KRT76: variants seen among roughly 807,000 people sequenced by gnomAD.
KRT76 encodes the protein keratin 76, also known as keratin, type II cytoskeletal 2 oral.
Under a neutral mutation model 44.9 loss-of-function variants are expected in KRT76, and 47 were observed. The observed-to-expected ratio is 1.05, with a 90% CI of 0.83 to 1.33. The LOEUF is 1.33. Ranked by LOEUF, KRT76 falls within the 40% of genes most tolerant of loss-of-function variation. The pLI is 0.00. For synonymous variants in KRT76, 331 were observed against 294.1 expected, an observed-to-expected ratio of 1.13 and a Z score of -1.28; for missense variants, 860 against 775.8, an observed-to-expected ratio of 1.11 and a Z score of -1.29.
Position 52,771,092 on chromosome 12 carries a change from A to G in KRT76, c.1391T>C (p.Leu464Pro). The G allele has an allele frequency of 6.2e-7, 1 of 1,614,102 alleles. No individual in the cohort carries two copies. Among genetic ancestry groups the G allele is most frequent in the South Asian group, 1.1e-5 (1 of 91,070 alleles). Reference sequence around the variant, plus strand: ...CATCAGCTCCTGGTAGTCACGCAGGAGCCGAGCCAGGTCATCCTTAGCCTT... The same window carrying G: ...CATCAGCTCCTGGTAGTCACGCAGGGGCCGAGCCAGGTCATCCTTAGCCTT... ...LQKAKDDLAR[L>P]LRDYQELMNV... Residue 464 changes from leucine to proline, a missense_variant, in exon 7 of 9, where the codon CTC (leucine) becomes CCC (proline). Transcript: ENST00000332411.
chr12:52,772,665 C>G, intron 4 of KRT76, 118 bp downstream of exon 4: 2 of 754,180 alleles, frequency 2.7e-6, no homozygotes, highest in Non-Finnish European at 4.7e-6. Flanking sequence ...TGGGGTGGAG[C>G]TGAGTCCTGA....
In KRT76 at chr12:52,776,684, G is replaced by T. The variant is rs1463721317; in HGVS notation, c.600+8C>A. ...ACCCTCCACAGCACCTCTTGGCCTT[G>T]CCCTCACCTTGTCGATGAAGGAGGC... On this transcript the variant is annotated splice_region_variant and intron_variant, in intron 1 of 8. Coordinates refer to ENST00000332411, the MANE Select transcript of KRT76 (RefSeq NM_015848.4). The T allele has an allele frequency of 1.9e-6, 3 of 1,613,830 alleles. No individual in the cohort carries two copies. The highest frequency in any genetic ancestry group is 2.5e-6 in the Non-Finnish European group (3 of 1,180,042).
At chr12:52,774,849 C>T (rs1375331189) in intron 2 of KRT76, among the ~76,000 whole-genome samples, 3 of 152,166 alleles carry the variant, frequency 2.0e-5, no homozygotes, top group South Asian at 2.1e-4. Context: ...CAGACCTCAG[C>T]GGATATGGAC....
Position 52,777,021 on chromosome 12 carries a change from C to A in KRT76, c.271G>T (p.Ala91Ser). 1 of 1,614,064 alleles carries A rather than the reference C, an allele frequency of 6.2e-7. No individual in the cohort carries two copies. Among genetic ancestry groups the A allele is most frequent in the South Asian group, 1.1e-5 (1 of 91,080 alleles). ...CCAAAGCCACCTCCATAGCCACCTG[C>A]AAAGCCACAGCTGCTCCGCCCTCCC... ...FGGGRSSCGF[A>S]GGYGGGFGGS... The change falls in exon 1 of 9, where the codon GCA (alanine) becomes TCA (serine). Residue 91 changes from alanine to serine, a missense_variant. By Grantham distance (99) the Ala-to-Ser change is moderately conservative (BLOSUM62 1). Coordinates refer to ENST00000332411, the MANE Select transcript of KRT76 (RefSeq NM_015848.4).
intron 4 of KRT76, among the ~76,000 whole-genome samples, chr12:52,772,517 C>G (rs189801970): frequency 1.3e-5 from 2 of 152,206 alleles, no homozygotes; most frequent in African/African-American, 4.8e-5. Context: ...CCATGGGCCC[C>G]CAGCAGGGAG....
At chr12:52,769,657 G>A in intron 7 of KRT76, 74 bp from the exon 8 acceptor site, 2 of 1,335,858 alleles carry the variant, frequency 1.5e-6, no homozygotes, top group Non-Finnish European at 2.2e-6. Flanking sequence ...TCACAACTTT[G>A]GGAGCCACGC....
At position 52,776,847 on chromosome 12, in the gene KRT76, C is replaced by G; in HGVS notation, c.445G>C (p.Gly149Arg). The change falls in exon 1 of 9, where the codon GGG becomes CGG. Residue 149 changes from glycine to arginine, a missense_variant. Coordinates refer to ENST00000332411, the MANE Select transcript of KRT76 (RefSeq NM_015848.4). ...SFGGPGGFGPGGFPGGIQEVI... is the reference protein window; with the variant it reads ...SFGGPGGFGPRGFPGGIQEVI... ...TCCTGAATTCCCCCAGGAAAGCCCC[C>G]AGGGCCAAAGCCACCAGGACCACCA... 6.2e-7 allele frequency: 1 copy of G among 1,613,690 alleles called. No individual in the cohort carries two copies. Among genetic ancestry groups the G allele is most frequent in the East Asian group, 2.2e-5 (1 of 44,872 alleles).
chr12:52,774,890 C>A (rs114208180), intron 2 of KRT76, among the ~76,000 whole-genome samples: 251 of 152,262 alleles, frequency 1.6e-3, no homozygotes, highest in African/African-American at 5.5e-3. Flanking sequence ...AGGAGGCAAA[C>A]CAAAGCTGCA....
Position 52,771,211 on chromosome 12 carries a change from G to C in KRT76, c.1272C>G (p.Asn424Lys). The C allele has an allele frequency of 3.1e-6, 5 of 1,614,158 alleles. No individual in the cohort carries two copies. The highest frequency in any genetic ancestry group is 4.2e-6 in the Non-Finnish European group (5 of 1,180,036). The change falls in exon 7 of 9, where the codon AAC (asparagine) becomes AAG (lysine). Residue 424 changes from asparagine to lysine, a missense_variant. Physicochemically the swap from Asn to Lys is moderately conservative, Grantham distance 94. Transcript: ENST00000332411. ...EIENVKKQNA[N>K]LQTAIAEAEQ... ...CAGCCTCTGCAATTGCCGTCTGCAG[G>C]TTGGCATTCTGAGGTAGAAAATCAA...
At position 52,772,170 on chromosome 12, in the gene KRT76, A is replaced by G; in HGVS notation, c.1061T>C (p.Ile354Thr). ...NNRCLDLGSI[I>T]AEVRAQYEEI... ...CTCATACTGGGCGCGGACCTCGGCA[A>G]TGATGCTGCCCAGGTCCAGGCAGCG... is the stretch of plus-strand genomic sequence containing the variant. Residue 354 changes from isoleucine to threonine, a missense_variant, in exon 5 of 9, where the codon ATT becomes ACT. Ile to Thr is a moderately conservative substitution (Grantham distance 89). Coordinates refer to ENST00000332411, the MANE Select transcript of KRT76 (RefSeq NM_015848.4). 1 of 1,613,852 alleles carries G rather than the reference A, an allele frequency of 6.2e-7. No individual in the cohort carries two copies. The highest frequency in any genetic ancestry group is 1.1e-5 in the South Asian group (1 of 90,992).
In KRT76 at chr12:52,768,585, T is replaced by G; in HGVS notation, c.*128A>C. 2 of 1,091,360 alleles carry G rather than the reference T, an allele frequency of 1.8e-6. No individual in the cohort carries two copies. Among genetic ancestry groups the G allele is most frequent in the Non-Finnish European group, 2.6e-6 (2 of 760,658 alleles). 67.6% of individuals were successfully genotyped at this position (1,091,360 alleles called of 1,614,324 possible). On this transcript the variant is annotated 3_prime_UTR_variant, in exon 9 of 9. Coordinates refer to ENST00000332411, the MANE Select transcript of KRT76 (RefSeq NM_015848.4). The stretch of plus-strand genomic sequence containing the variant: ...GGATGGAGAAACCAGGAGTTCAGCT[T>G]CTTCTCCAGGGAACTTGAGGAAAAA...
chr12:52,776,798 A>C lies in KRT76; in HGVS notation c.494T>G (p.Leu165Arg). Residue 165 changes from leucine to arginine, a missense_variant, in exon 1 of 9, where the codon CTG becomes CGG. Transcript: ENST00000332411. ...IQEVIVNQSLLQPLNVEIDPQ... is the reference protein window; with the variant it reads ...IQEVIVNQSLRQPLNVEIDPQ... ...GTCGATCTCCACATTGAGGGGCTGC[A>C]GGAGACTCTGGTTTACAATCACTTC... is the stretch of plus-strand genomic sequence containing the variant. 6.2e-7 allele frequency: 1 copy of C among 1,614,152 alleles called. No homozygotes were observed. The highest frequency in any genetic ancestry group is 1.1e-5 in the South Asian group (1 of 91,076).
chr12:52,773,422 C>T (rs1393206577), intron 3 of KRT76, among the ~76,000 whole-genome samples, 160 bp downstream of exon 3: 3 of 152,154 alleles, frequency 2.0e-5, no homozygotes, highest in African/African-American at 7.2e-5. Context: ...CTTAGAGCAG[C>T]TTCCTTCATG....
chr12:52,769,025 A>ACCACTG lies in KRT76; in HGVS notation c.1599_1604dup (p.Ser534_Gly535dup). On this transcript the variant is annotated inframe_insertion, in exon 9 of 9. Transcript: ENST00000332411. ...TGCTGCTGCTGCCGCCTTTGTAGCC[A>ACCACTG]CCACTGCCACTGCCACTGACCCCTC... The ACCACTG allele has an allele frequency of 2.5e-6, 2 of 801,396 alleles. No homozygotes were observed. The highest frequency in any genetic ancestry group is 4.3e-6 in the Non-Finnish European group (2 of 461,198). 49.6% of individuals were successfully genotyped at this position (801,396 alleles called of 1,614,324 possible). A position where few individuals can be genotyped will look rare whatever the true frequency, so the allele number is the denominator to read the frequency against.
At chr12:52,769,527 G>C (rs1490044792) in intron 8 of KRT76, 22 bp downstream of exon 8, 1 of 1,610,230 alleles carries the variant, frequency 6.2e-7, no homozygotes, top group South Asian at 1.1e-5. Context: ...CAGGGAGAGG[G>C]TTTTTTGAAT....
At position 52,771,983 on chromosome 12, in the gene KRT76, T is replaced by C; in HGVS notation, c.1151A>G (p.Gln384Arg). The C allele has an allele frequency of 1.2e-6, 2 of 1,614,030 alleles. No individual in the cohort carries two copies. Among genetic ancestry groups the C allele is most frequent in the South Asian group, 1.1e-5 (1 of 91,014 alleles). ...ATCCCCATGCCTGCCAGCTGTGGTCTGCAGCTCCCCAAGCTGACAGAGGAA... is the reference window on the plus strand; with the variant it reads ...ATCCCCATGCCTGCCAGCTGTGGTCCGCAGCTCCCCAAGCTGACAGAGGAA... The part of the protein sequence containing the change: ...ALYQTKLGEL[Q>R]TTAGRHGDDL... The change falls in exon 6 of 9, where the codon CAG (glutamine) becomes CGG (arginine). Residue 384 changes from glutamine to arginine, a missense_variant. Transcript: ENST00000332411.
In KRT76 at chr12:52,775,427, A is replaced by G. The variant is rs758878679; in HGVS notation, c.776T>C (p.Leu259Pro). 7 of 1,614,052 alleles carry G rather than the reference A, an allele frequency of 4.3e-6. No homozygotes were observed. Among genetic ancestry groups the G allele is most frequent in the Non-Finnish European group, 5.1e-6 (6 of 1,180,030 alleles). Residue 259 changes from leucine to proline, a missense_variant, in exon 2 of 9, where the codon CTG (leucine) becomes CCG (proline). Physicochemically the swap from Leu to Pro is moderately conservative, Grantham distance 98. Coordinates refer to ENST00000332411, the MANE Select transcript of KRT76 (RefSeq NM_015848.4). ...LGERGNLEGE[L>P]KSMQDLVEDF... is the part of the protein sequence containing the mutation. ...TTCCACCAGGTCCTGCATGCTTTTCAGCTCTCCCTCCAGGTTCCCCCTCTC... is the reference window on the plus strand; with the variant it reads ...TTCCACCAGGTCCTGCATGCTTTTCGGCTCTCCCTCCAGGTTCCCCCTCTC...
Position 52,776,684 on chromosome 12 carries a change from G to A in KRT76, c.600+8C>T, listed in dbSNP as rs1463721317. 1 of 1,613,948 alleles carries A rather than the reference G, an allele frequency of 6.2e-7. No homozygotes were observed. Among genetic ancestry groups the A allele is most frequent in the Non-Finnish European group, 8.5e-7 (1 of 1,180,034 alleles). On this transcript the variant is annotated splice_region_variant and intron_variant, in intron 1 of 8. Coordinates refer to ENST00000332411, the MANE Select transcript of KRT76 (RefSeq NM_015848.4). The stretch of plus-strand genomic sequence containing the variant: ...ACCCTCCACAGCACCTCTTGGCCTT[G>A]CCCTCACCTTGTCGATGAAGGAGGC...
Position 52,771,096 on chromosome 12 carries a change from G to A in KRT76, c.1387C>T (p.Arg463Trp), listed in dbSNP as rs760847107. The stretch of plus-strand genomic sequence containing the variant: ...AGCTCCTGGTAGTCACGCAGGAGCC[G>A]AGCCAGGTCATCCTTAGCCTTCTGT... ...ALQKAKDDLA[R>W]LLRDYQELMN... is the part of the protein sequence containing the mutation. The change falls in exon 7 of 9, where the codon CGG becomes TGG. Residue 463 changes from arginine to tryptophan, a missense_variant. Arg to Trp is a moderately radical substitution (Grantham distance 101). Transcript: ENST00000332411. The A allele has an allele frequency of 2.2e-5, 35 of 1,614,022 alleles. 1 individual carries two copies. Among genetic ancestry groups the A allele is most frequent in the African/African-American group, 2.0e-4 (15 of 74,920 alleles).
Sources: allele counts gnomAD v4.1 joint callset (sites outside exome capture counted in the v4.1 genomes callset), GRCh38; gene constraint gnomAD v4.1.1; transcripts MANE v1.5; gene names NCBI Gene and HGNC (gene_info 2026-07-23, HGNC 2026-07-21).